RNF125: variants seen among roughly 807,000 people sequenced by gnomAD.
The protein encoded by RNF125 is E3 ubiquitin-protein ligase RNF125.
In RNF125, 21 loss-of-function variants were observed where a neutral mutation model predicts 26.0. The ratio of observed to expected loss-of-function variants is 0.81; its 90% CI spans 0.57 to 1.16. The LOEUF (loss-of-function observed/expected upper bound fraction) is 1.16. RNF125 is among the 50% of genes most tolerant of loss of function. The probability of loss-of-function intolerance (pLI) is 0.00; values close to 1 mark genes in which losing one functional copy is unlikely to be tolerated. For synonymous variants in RNF125, 95 were observed against 109.2 expected (o/e 0.87, Z 0.81); for missense variants, 270 against 299.4 (o/e 0.90, Z 0.72).
chr18:32,045,866 A>G lies in RNF125; in HGVS notation c.504+134A>G. ...AAGTTAAGGTTATGGTAACTCTGTG[A>G]CTGTTTACAATGTGTGAAAGTGTTC... On this transcript the variant is annotated intron_variant, in intron 4 of 5. Transcript: ENST00000217740. 5.3e-6 allele frequency: 3 copies of G among 566,930 alleles called. No homozygotes were observed. The East Asian group carries it at 9.3e-5, about 18-fold the overall frequency. 35.1% of individuals were successfully genotyped at this position (566,930 alleles called of 1,614,324 possible).
the RNF125 span, among the ~76,000 whole-genome samples, chr18:32,081,750 T>C: frequency 6.6e-6 from 1 of 152,232 alleles, no homozygotes; most frequent in Non-Finnish European, 1.5e-5. Context: ...AAACTTTCTC[T>C]GTTCAAATTA....
chr18:32,042,322 AAAG>A, intron 3 of RNF125, 49 bp downstream of exon 3: 1 of 1,180,460 alleles, frequency 8.5e-7, no homozygotes, highest in Non-Finnish European at 1.2e-6. Flanking sequence ...TAATGTTTAT[AAAG>A]AATTTAATGG....
the RNF125 span, among the ~76,000 whole-genome samples, chr18:32,078,634 A>G: frequency 6.6e-6 from 1 of 151,982 alleles, no homozygotes; most frequent in Non-Finnish European, 1.5e-5. Flanking sequence ...AGTGAGACCA[A>G]ATCTCTAAAA....
rs1272064677 is a variant in RNF125, at chr18:32,063,201, C to T, written c.505-2701C>T. 5.1e-5 allele frequency among the ~76,000 whole-genome samples: 3 copies of T among 58,734 alleles called. 1 individual carries two copies. The highest frequency in any genetic ancestry group is 2.2e-4 in the African/African-American group (3 of 13,522). The allele number at this position is 58,734 out of a possible 152,430, so 38.5% of individuals were successfully genotyped here. On this transcript the variant is annotated intron_variant, in intron 4 of 5. Coordinates refer to ENST00000217740, the MANE Select transcript of RNF125 (RefSeq NM_017831.4). ...TGCCATTGCACTCCAGCCTGGGCAA[C>T]AAGAGCAAAACTCAAAACTCCATTT...
At chr18:32,089,128 A>G in the RNF125 span, among the ~76,000 whole-genome samples, 3 of 152,236 alleles carry the variant, frequency 2.0e-5, no homozygotes, top group Admixed American at 6.5e-5. Flanking sequence ...TGGTGAAGCT[A>G]GGACATATCT....
At chr18:32,080,755 G>A in the RNF125 span, among the ~76,000 whole-genome samples, 1 of 152,322 alleles carries the variant, frequency 6.6e-6, no homozygotes, top group East Asian at 1.9e-4. Flanking sequence ...TGGGCGTGAT[G>A]GCGGACGCCT....
chr18:32,073,403 CT>C (rs1190467916), downstream of RNF125, among the ~76,000 whole-genome samples: 2 of 152,128 alleles, frequency 1.3e-5, no homozygotes, highest in Non-Finnish European at 2.9e-5. Flanking sequence ...CTTGGGTGTG[CT>C]AGTGGCCTGA....
intron 4 of RNF125, among the ~76,000 whole-genome samples, chr18:32,064,050 A>C (rs1401366215): frequency 1.3e-5 from 2 of 149,414 alleles, no homozygotes; most frequent in African/African-American, 2.5e-5. Context: ...GCTGGAGTGC[A>C]GTGGTGCGAT....
chr18:32,079,806 C>G, the RNF125 span, among the ~76,000 whole-genome samples: 9 of 152,118 alleles, frequency 5.9e-5, no homozygotes, highest in Admixed American at 5.9e-4. Flanking sequence ...TGATATAGCT[C>G]TTATAGGAGA....
Position 32,019,026 on chromosome 18 carries a change from G to T in RNF125, c.163G>T (p.Val55Leu), listed in dbSNP as rs764032084. 3 of 1,612,386 alleles carry T rather than the reference G, an allele frequency of 1.9e-6. No homozygotes were observed. Among genetic ancestry groups the T allele is most frequent in the East Asian group, 2.2e-5 (1 of 44,706 alleles). The change falls in exon 1 of 6, where the codon GTA (valine) becomes TTA (leucine). Residue 55 changes from valine to leucine, a missense_variant and splice_region_variant. Val to Leu is a conservative substitution (Grantham distance 32, BLOSUM62 1). Transcript: ENST00000217740. ...HQPVRTRCGH[V>L]FCRSCIATSL... Reference sequence around the variant, plus strand: ...GCCTGTCCGGACCCGCTGTGGCCACGTGTAAGTTCCAGGGGAGCTCGGTTT... The same window carrying T: ...GCCTGTCCGGACCCGCTGTGGCCACTTGTAAGTTCCAGGGGAGCTCGGTTT...
At chr18:32,041,290 T>G (rs1312635546) in intron 2 of RNF125, among the ~76,000 whole-genome samples, 1 of 152,236 alleles carries the variant, frequency 6.6e-6, no homozygotes, top group Admixed American at 6.5e-5. Flanking sequence ...TTGCTCTTAA[T>G]GGGACCATTA....
the RNF125 span, among the ~76,000 whole-genome samples, chr18:32,084,287 G>A: frequency 2.0e-5 from 3 of 152,128 alleles, no homozygotes; most frequent in South Asian, 2.1e-4. Context: ...CCCAGGAGAC[G>A]GAGGTTGCAG....
At chr18:32,021,116 T>A (rs1190913034) in intron 1 of RNF125, among the ~76,000 whole-genome samples, 1 of 152,178 alleles carries the variant, frequency 6.6e-6, no homozygotes, top group African/African-American at 2.4e-5. Context: ...AGTCTTGCTG[T>A]GTTGCCCAGG....
At chr18:32,037,905 G>A (rs531478478) in intron 2 of RNF125, among the ~76,000 whole-genome samples, 9 of 152,228 alleles carry the variant, frequency 5.9e-5, no homozygotes, top group East Asian at 1.9e-4. Flanking sequence ...GAACATGGGC[G>A]GGGACGATAA....
At chr18:32,052,024 T>A (rs1278614048) in intron 4 of RNF125, among the ~76,000 whole-genome samples, 1 of 152,062 alleles carries the variant, frequency 6.6e-6, no homozygotes, top group African/African-American at 2.4e-5. Context: ...TGGGGGCTCA[T>A]TCCTTAAGGA....
At chr18:32,074,534 A>C (rs925377021), downstream of RNF125, among the ~76,000 whole-genome samples, 3 of 151,870 alleles carry the variant, frequency 2.0e-5, no homozygotes, top group African/African-American at 4.8e-5. Flanking sequence ...CCATGGTAGT[A>C]TTTTCTTTTT....
At chr18:32,032,040 C>T (rs1362473629) in intron 1 of RNF125, among the ~76,000 whole-genome samples, 22 of 151,948 alleles carry the variant, frequency 1.4e-4, no homozygotes, top group Non-Finnish European at 1.5e-5. Context: ...GCTGAGACTA[C>T]AGGCATGCAC....
At chr18:32,058,132 TAA>T (rs780204451) in intron 4 of RNF125, among the ~76,000 whole-genome samples, 99 of 80,670 alleles carry the variant, frequency 1.2e-3, no homozygotes, top group Admixed American at 9.1e-4. Context: ...ACCCCATCTC[TAA>T]AAAAAAAAAA....
At chr18:32,046,010 C>T (rs1242283877) in intron 4 of RNF125, among the ~76,000 whole-genome samples, 1 of 151,722 alleles carries the variant, frequency 6.6e-6, no homozygotes, top group Non-Finnish European at 1.5e-5. Flanking sequence ...CAGTTAAGAT[C>T]TAAGTTTACC....
Sources: gnomAD v4.1 joint callset for allele counts (sites outside exome capture counted in the v4.1 genomes callset) on GRCh38, gnomAD v4.1.1 for gene constraint, MANE v1.5 for transcripts, NCBI Gene and HGNC (gene_info 2026-07-23, HGNC 2026-07-21) for gene names.